Variants in PIK3C2B observed in about 807,000 individuals in gnomAD.
The protein encoded by PIK3C2B is phosphatidylinositol 4-phosphate 3-kinase C2 domain-containing subunit beta.
In PIK3C2B, 83 loss-of-function variants were observed where a neutral mutation model predicts 184.3. That is an observed-to-expected ratio of 0.45 (90% CI 0.38 to 0.54). The LOEUF is 0.54. PIK3C2B is among the 20% of genes least tolerant of loss of function. The pLI is 0.00. For missense variants in PIK3C2B, 1,736 were observed against 2,113.5 expected (o/e 0.82, Z 3.50); for synonymous variants, 779 against 837.6 (o/e 0.93, Z 1.21).
intron 12 of PIK3C2B, among the ~76,000 whole-genome samples, chr1:204,453,233 T>C (rs919158207): frequency 6.6e-6 from 1 of 152,174 alleles, no homozygotes; most frequent in Admixed American, 6.5e-5. Context: ...GGGGATTTTC[T>C]GACTGACTGG....
rs191074030 is a variant in PIK3C2B at position 204,463,866 on chromosome 1, G to A, written c.1310+146C>T. 1.7e-4 allele frequency: 136 copies of A among 802,628 alleles called. No individual in the cohort carries two copies. The African/African-American group carries it at 1.9e-3, about 11-fold the overall frequency. 49.7% of individuals were successfully genotyped at this position (802,628 alleles called of 1,614,324 possible). A position where few individuals can be genotyped will look rare whatever the true frequency, so the allele number is the denominator to read the frequency against. On this transcript the variant is annotated intron_variant, in intron 5 of 32. Coordinates refer to ENST00000684373, the MANE Select transcript of PIK3C2B (RefSeq NM_001377334.1). The stretch of plus-strand genomic sequence containing the variant: ...ACAGAGCTCCTGGGGAAAGTGCTAC[G>A]TGGCCGAGAGTGTGCCCAGAAAGCA...
intron 21 of PIK3C2B, among the ~76,000 whole-genome samples, 158 bp from the exon 22 acceptor site, chr1:204,440,479 G>A (rs1277567094): frequency 6.6e-6 from 1 of 152,048 alleles, no homozygotes; most frequent in Non-Finnish European, 1.5e-5. Context: ...GGTCAAAGAT[G>A]GCCCAGGAAG....
intron 1 of PIK3C2B, among the ~76,000 whole-genome samples, chr1:204,473,146 T>C (rs1656429352): frequency 6.6e-6 from 1 of 152,218 alleles, no homozygotes; most frequent in South Asian, 2.1e-4. Flanking sequence ...GCAAGTTGCT[T>C]AGATTCAAAA....
intron 23 of PIK3C2B, among the ~76,000 whole-genome samples, chr1:204,437,385 C>T (rs1269338008): frequency 1.3e-5 from 2 of 152,066 alleles, no homozygotes; most frequent in African/African-American, 4.8e-5. Context: ...ATCCCAGCTA[C>T]TTGGGAGGCT....
At chr1:204,432,558 C>A (rs1675121491) in intron 26 of PIK3C2B, among the ~76,000 whole-genome samples, 157 bp from the exon 27 acceptor site, 1 of 152,154 alleles carries the variant, frequency 6.6e-6, no homozygotes, top group African/African-American at 2.4e-5. Context: ...AAATGACTGG[C>A]ACACAATAAT....
intron 1 of PIK3C2B, among the ~76,000 whole-genome samples, chr1:204,470,293 T>A (rs1329016552): frequency 2.6e-5 from 4 of 151,414 alleles, no homozygotes; most frequent in African/African-American, 9.7e-5. Flanking sequence ...TCAGCCTCCC[T>A]AGTAGCTGGG....
chr1:204,468,377 G>A (rs1047479776), intron 2 of PIK3C2B, among the ~76,000 whole-genome samples: 4 of 152,184 alleles, frequency 2.6e-5, no homozygotes, highest in African/African-American at 9.7e-5. Context: ...TATCAGGAAG[G>A]GTTGTTGTGG....
chr1:204,434,768 AACTTACAC>A (rs1321052399), intron 23 of PIK3C2B, among the ~76,000 whole-genome samples, 160 bp from the exon 24 acceptor site: 1 of 152,204 alleles, frequency 6.6e-6, no homozygotes, highest in Non-Finnish European at 1.5e-5. Flanking sequence ...ATCATGTACT[AACTTACAC>A]ACTTACACAC....
Position 204,447,685 on chromosome 1 carries a change from C to G in PIK3C2B, c.2347-107G>C. ...TCCGGCCTTGTCCCTCCCTCACTTT[C>G]CCTCAGGTTCTTTGTAAAATAGCCC... On this transcript the variant is annotated intron_variant, in intron 14 of 32. Transcript: ENST00000684373. The surrounding 1 kb of genome is among the most constrained non-coding windows in gnomAD (Gnocchi z 4.1). 1.3e-6 allele frequency: 1 copy of G among 745,180 alleles called. No individual in the cohort carries two copies. The highest frequency in any genetic ancestry group is 1.7e-5 in the South Asian group (1 of 58,766). The allele number at this position is 745,180 out of a possible 1,614,324, so 46.2% of individuals were successfully genotyped here. A position where few individuals can be genotyped will look rare whatever the true frequency, so the allele number is the denominator to read the frequency against.
intron 28 of PIK3C2B, 22 bp from the exon 29 acceptor site, chr1:204,430,060 C>T (rs376922034): frequency 2.1e-5 from 32 of 1,489,440 alleles, no homozygotes; most frequent in African/African-American, 4.1e-5. Context: ...GCGTAGGCAG[C>T]GGGGATGCAG....
At chr1:204,489,135 T>C (rs1232864445) in intron 1 of PIK3C2B, among the ~76,000 whole-genome samples, 2 of 152,096 alleles carry the variant, frequency 1.3e-5, no homozygotes, top group Admixed American at 6.6e-5. Context: ...CTCAAGTTAA[T>C]TGTACAAGCT....
chr1:204,437,445 A>G (rs1675410836), intron 23 of PIK3C2B, among the ~76,000 whole-genome samples: 1 of 152,176 alleles, frequency 6.6e-6, no homozygotes, highest in Non-Finnish European at 1.5e-5. Flanking sequence ...CAGTGAGCCA[A>G]GCTCGTGCCA....
intron 1 of PIK3C2B, chr1:204,490,094 G>A (rs1193112817): frequency 4.3e-5 from 17 of 395,970 alleles, no homozygotes; most frequent in Non-Finnish European, 7.6e-5. Flanking sequence ...TGGCAGGAGT[G>A]ACACAGTCAT....
At chr1:204,474,237 C>T (rs865801603) in intron 1 of PIK3C2B, among the ~76,000 whole-genome samples, 1 of 152,124 alleles carries the variant, frequency 6.6e-6, no homozygotes, top group Non-Finnish European at 1.5e-5. Context: ...GTGATCCGCC[C>T]GCCTCGGCCC....
intron 1 of PIK3C2B, among the ~76,000 whole-genome samples, chr1:204,485,467 A>T (rs1657509155): frequency 6.6e-6 from 1 of 152,088 alleles, no homozygotes; most frequent in African/African-American, 2.4e-5. Context: ...ATGATGAATG[A>T]TTGAAACAGA....
intron 2 of PIK3C2B, among the ~76,000 whole-genome samples, chr1:204,465,694 G>A (rs1655706793): frequency 6.6e-6 from 1 of 152,250 alleles, no homozygotes; most frequent in Non-Finnish European, 1.5e-5. Flanking sequence ...AGAGCAGACA[G>A]CTGTTTTTCC....
In PIK3C2B at chr1:204,439,624, T is replaced by TTC. The variant is rs199897184; in HGVS notation, c.3380-555_3380-554dup. ...AAACTTCCCCCAACTGTCTCTCTCC[T>TTC]TCTCTCTCTCTCTCTATATATATAT... On this transcript the variant is annotated intron_variant, in intron 22 of 32. Transcript: ENST00000684373. Among the ~76,000 whole-genome samples the TTC allele has an allele frequency of 7.3e-5, 11 of 151,432 alleles. No homozygotes were observed. In the East Asian group the frequency reaches 7.7e-4, roughly 11 times the overall value.
In PIK3C2B at chr1:204,449,363, C is replaced by T. The variant is rs913936839; in HGVS notation, c.2235-67G>A. ...AGCAGAGAATATTTCTACTGCTCCC[C>T]CAATCCAAAAATCTGCCTTTTCTGT... On this transcript the variant is annotated intron_variant, in intron 13 of 32. Transcript: ENST00000684373. 4 of 1,205,886 alleles carry T rather than the reference C, an allele frequency of 3.3e-6. No individual in the cohort carries two copies. In the South Asian group the frequency reaches 3.9e-5, roughly 12 times the overall value. The allele number at this position is 1,205,886 out of a possible 1,614,324, so 74.7% of individuals were successfully genotyped here.
intron 27 of PIK3C2B, 71 bp from the exon 28 acceptor site, chr1:204,431,864 C>T (rs952229122): frequency 1.5e-5 from 23 of 1,584,416 alleles, no homozygotes; most frequent in Middle Eastern, 1.7e-4. Flanking sequence ...AGGAAAGGTC[C>T]GGAAGTGTAT....
Sources: gnomAD v4.1 joint callset for allele counts (sites outside exome capture counted in the v4.1 genomes callset) on GRCh38, gnomAD v4.1.1 for gene constraint, Gnocchi (gnomAD v3.1) non-coding constraint, MANE v1.5 for transcripts, NCBI Gene and HGNC (gene_info 2026-07-23, HGNC 2026-07-21) for gene names.